ZNF546: variants seen among roughly 807,000 people sequenced by gnomAD.
ZNF546 encodes zinc finger protein 546.
ZNF546 carries 60 observed loss-of-function variants against 76.2 expected under a neutral mutation model. That is an observed-to-expected ratio of 0.79 (90% CI 0.64 to 0.98). ZNF546 has a LOEUF of 0.98. ZNF546 is among the 50% of genes least tolerant of loss of function. The pLI, the probability that ZNF546 is intolerant of heterozygous loss-of-function variation, is 0.00. For synonymous variants in ZNF546, 277 were observed against 328.1 expected (o/e 0.84, Z 1.68); for missense variants, 936 against 1,035.6 (o/e 0.90, Z 1.32).
In ZNF546 at chr19:40,020,386, A is replaced by G. The variant is rs1436294687; in HGVS notation, c.*4605A>G. ...TTTGCAAATTATTTTTACAAATAAC[A>G]ATAATTGGATGTAACAAAAAGCAGA... On this transcript the variant is annotated 3_prime_UTR_variant, in exon 7 of 7. Coordinates refer to ENST00000347077, the MANE Select transcript of ZNF546 (RefSeq NM_178544.5). The G allele has an allele frequency of 6.6e-6, 1 of 152,182 alleles. No homozygotes were observed. The highest frequency in any genetic ancestry group is 1.5e-5 in the Non-Finnish European group (1 of 68,008). The allele number at this position is 152,182 out of a possible 1,614,324, so 9.4% of individuals were successfully genotyped here. A position where few individuals can be genotyped will look rare whatever the true frequency, so the allele number is the denominator to read the frequency against.
rs1568392669 is a variant in ZNF546, at chr19:40,020,802, C to T, written c.*5021C>T. 6.6e-6 allele frequency: 1 copy of T among 152,084 alleles called. No homozygotes were observed. The highest frequency in any genetic ancestry group is 2.4e-5 in the African/African-American group (1 of 41,440). 9.4% of individuals were successfully genotyped at this position (152,084 alleles called of 1,614,324 possible). On this transcript the variant is annotated 3_prime_UTR_variant, in exon 7 of 7. Coordinates refer to ENST00000347077, the MANE Select transcript of ZNF546 (RefSeq NM_178544.5). ...AAGATAGAATATTCAGATCTAATGG[C>T]AGATGCTTAGCTATGCTGGGAAAGG...
chr19:40,003,993 C>G (rs940039692), intron 3 of ZNF546, among the ~76,000 whole-genome samples: 9 of 144,126 alleles, frequency 6.2e-5, no homozygotes, highest in Admixed American at 3.4e-4. Flanking sequence ...GCCTGGGTGA[C>G]AGAGTGAGAC....
chr19:39,999,614 T>C (rs935532335), intron 3 of ZNF546: 20 of 151,900 alleles, frequency 1.3e-4, no homozygotes, highest in African/African-American at 4.8e-4. Flanking sequence ...CTCGTTCTGT[T>C]GCCCAGGCTG....
intron 6 of ZNF546, 112 bp downstream of exon 6, chr19:40,008,677 C>A (rs891518873): frequency 1.0e-5 from 7 of 698,888 alleles, no homozygotes; most frequent in South Asian, 5.5e-5. Flanking sequence ...AGGCCTGAGG[C>A]CTGTGGAAAA....
At chr19:39,999,997 C>A (rs1022759964) in intron 3 of ZNF546, among the ~76,000 whole-genome samples, 87 of 152,316 alleles carry the variant, frequency 5.7e-4, no homozygotes, top group African/African-American at 2.0e-3. Flanking sequence ...TCAAAGGACA[C>A]AAGACTTTCC....
In ZNF546 at chr19:40,014,562, A is replaced by G. The variant is rs201574097; in HGVS notation, c.1292A>G (p.His431Arg). The G allele has an allele frequency of 2.6e-5, 42 of 1,614,042 alleles. No homozygotes were observed. The highest frequency in any genetic ancestry group is 3.2e-5 in the Non-Finnish European group (38 of 1,180,042). ...SFSFHAELARHRRIHTGEKPY... is the reference protein window; with the variant it reads ...SFSFHAELARRRRIHTGEKPY... ...AGTTTTCATGCAGAACTTGCTCGAC[A>G]TCGTAGAATTCATACTGGTGAGAAA... The change falls in exon 7 of 7, where the codon CAT (histidine) becomes CGT (arginine). Residue 431 changes from histidine (H) to arginine (R), a missense_variant. His to Arg is a conservative substitution (Grantham distance 29). Coordinates refer to ENST00000347077, the MANE Select transcript of ZNF546 (RefSeq NM_178544.5).
intron 1 of ZNF546, among the ~76,000 whole-genome samples, chr19:39,997,502 G>C (rs928136159): frequency 2.6e-5 from 4 of 152,152 alleles, no homozygotes; most frequent in Non-Finnish European, 5.9e-5. Flanking sequence ...GTCAAATATC[G>C]AGCTCTGGGA....
rs879229472 is a variant in ZNF546 at position 40,015,576 on chromosome 19, T to C, written c.2306T>C (p.Ile769Thr). 1.9e-6 allele frequency: 3 copies of C among 1,613,298 alleles called. No homozygotes were observed. Among genetic ancestry groups the C allele is most frequent in the African/African-American group, 1.3e-5 (1 of 74,764 alleles). ...CAAGCAGAACTTACTCGACATCACATAGTTCACACGGGTGAGAAACCCTAT... is the reference window on the plus strand; with the variant it reads ...CAAGCAGAACTTACTCGACATCACACAGTTCACACGGGTGAGAAACCCTAT... ...RLQAELTRHH[I>T]VHTGEKPYKC... The change falls in exon 7 of 7, where the codon ATA (isoleucine) becomes ACA (threonine). Residue 769 changes from isoleucine to threonine, a missense_variant. Transcript: ENST00000347077.
At chr19:40,007,538 G>A in intron 5 of ZNF546, 138 bp downstream of exon 5, 1 of 887,314 alleles carries the variant, frequency 1.1e-6, no homozygotes, top group Non-Finnish European at 1.5e-6. Flanking sequence ...GTGTTGGGGT[G>A]GAAATGGGCA....
In ZNF546 at chr19:40,013,767, T is replaced by C. The variant is rs559676153; in HGVS notation, c.497T>C (p.Ile166Thr). 1.2e-5 allele frequency: 19 copies of C among 1,610,562 alleles called. No individual in the cohort carries two copies. In the East Asian group the frequency reaches 3.8e-4, roughly 32 times the overall value. ...ACAGGGGAAAAAAGTAAAAACACCA[T>C]CCATGAGGACACCATTTTCAGAAAT... The part of the protein sequence containing the change: ...LQTGEKSKNT[I>T]HEDTIFRNGL... Residue 166 changes from isoleucine to threonine, a missense_variant, in exon 7 of 7, where the codon ATC becomes ACC. Ile to Thr is a moderately conservative substitution (Grantham distance 89, BLOSUM62 -1). Coordinates refer to ENST00000347077, the MANE Select transcript of ZNF546 (RefSeq NM_178544.5).
chr19:40,007,333 G>A lies in ZNF546; in HGVS notation c.231G>A (p.Leu77=), dbSNP rs190757349. The A allele has an allele frequency of 6.2e-7, 1 of 1,607,200 alleles. No individual in the cohort carries two copies. The highest frequency in any genetic ancestry group is 1.3e-5 in the African/African-American group (1 of 74,758). The change falls in exon 5 of 7, where the codon CTG becomes CTA. Residue 77 remains leucine (L), a synonymous_variant. Transcript: ENST00000347077. ...IDLSQEEWEC[L]DAVQRDLYKD... ...TCTCCCAAGAGGAGTGGGAGTGCCT[G>A]GACGCTGTGCAGAGGGACTTGTACA... is the stretch of plus-strand genomic sequence containing the variant.
At position 40,000,525 on chromosome 19, in the gene ZNF546, AG is replaced by A. The variant is rs548967111; in HGVS notation, c.84+2117del. ...GTAATCCCAGCTGCTTGGGAGGCTG[AG>A]GCAGAGAATTGCTTGAACCCAGGAG... On this transcript the variant is annotated intron_variant, in intron 3 of 6. Coordinates refer to ENST00000347077, the MANE Select transcript of ZNF546 (RefSeq NM_178544.5). Among the ~76,000 whole-genome samples, 232 of 150,520 alleles carry A rather than the reference AG, an allele frequency of 1.5e-3. 1 individual carries two copies. The highest frequency in any genetic ancestry group is 5.5e-3 in the African/African-American group (224 of 40,998).
At chr19:40,005,009 C>CTTTTTTTT (rs752081163) in intron 3 of ZNF546, among the ~76,000 whole-genome samples, 1 of 86,842 alleles carries the variant, frequency 1.2e-5, no homozygotes, top group Non-Finnish European at 2.1e-5. Context: ...CTGCATGCAT[C>CTTTTTTTT]TTTTTTTTTT....
Position 40,007,395 on chromosome 19 carries a change from C to T in ZNF546, c.293C>T (p.Ser98Leu). The change falls in exon 5 of 7, where the codon TCA becomes TTA. Residue 98 changes from serine (S) to leucine (L), a missense_variant. Coordinates refer to ENST00000347077, the MANE Select transcript of ZNF546 (RefSeq NM_178544.5). ...VMLENYSNLV[S>L]LGYTIPKPDV... ...TTGGAGAACTACAGCAACCTGGTCT[C>T]ACTGGGTAAGGTATCTTTCGAAATC... is the stretch of plus-strand genomic sequence containing the variant. 1 of 1,592,794 alleles carries T rather than the reference C, an allele frequency of 6.3e-7. No individual in the cohort carries two copies. The highest frequency in any genetic ancestry group is 1.1e-5 in the South Asian group (1 of 87,664).
At chr19:40,013,418 G>GT (rs1458801694) in intron 6 of ZNF546, among the ~76,000 whole-genome samples, 1 of 152,092 alleles carries the variant, frequency 6.6e-6, no homozygotes, top group East Asian at 1.9e-4. Context: ...CTTTTGTGCT[G>GT]TAATAACAGA....
chr19:40,009,704 G>A (rs1293266776), intron 6 of ZNF546, among the ~76,000 whole-genome samples: 1 of 151,820 alleles, frequency 6.6e-6, no homozygotes, highest in East Asian at 1.9e-4. Context: ...CTATAACTTA[G>A]TTTTCATTTT....
chr19:40,015,599 T>C lies in ZNF546; in HGVS notation c.2329T>C (p.Tyr777His), dbSNP rs367549549. ...HHIVHTGEKP[Y>H]KCKECGKAFS... Reference sequence around the variant, plus strand: ...CATAGTTCACACGGGTGAGAAACCCTATAAATGTAAAGAATGTGGGAAAGC... The same window carrying C: ...CATAGTTCACACGGGTGAGAAACCCCATAAATGTAAAGAATGTGGGAAAGC... The change falls in exon 7 of 7, where the codon TAT becomes CAT. Residue 777 changes from tyrosine (Y) to histidine (H), a missense_variant. Physicochemically the swap from Tyr to His is moderately conservative, Grantham distance 83. Transcript: ENST00000347077. 3.1e-6 allele frequency: 5 copies of C among 1,614,026 alleles called. No homozygotes were observed. Among genetic ancestry groups the C allele is most frequent in the Non-Finnish European group, 3.4e-6 (4 of 1,180,048 alleles).
chr19:39,998,494 T>A, intron 3 of ZNF546, 84 bp downstream of exon 3: 1 of 1,102,288 alleles, frequency 9.1e-7, no homozygotes, highest in African/African-American at 1.5e-5. Context: ...ATCATCCATC[T>A]TCTCCAATCT....
At chr19:39,999,396 G>A (rs1971497186) in intron 3 of ZNF546, among the ~76,000 whole-genome samples, 1 of 152,098 alleles carries the variant, frequency 6.6e-6, no homozygotes, top group South Asian at 2.1e-4. Flanking sequence ...TGCTTCTGAT[G>A]TGTTAAAACA....
Sources: allele counts gnomAD v4.1 joint callset (sites outside exome capture counted in the v4.1 genomes callset), GRCh38; gene constraint gnomAD v4.1.1; transcripts MANE v1.5; gene names NCBI Gene and HGNC (gene_info 2026-07-23, HGNC 2026-07-21).